The following CCDC85A variants were observed in gnomAD, a reference collection of about 807,000 sequenced individuals.
The protein encoded by CCDC85A is coiled-coil domain containing 85A.
Under a neutral mutation model 50.2 loss-of-function variants are expected in CCDC85A, and 38 were observed. The observed-to-expected ratio is 0.76, with a 90% confidence interval of 0.58 to 0.99. The LOEUF (loss-of-function observed/expected upper bound fraction) is 0.99, where lower values mean the gene tolerates loss of function less well. CCDC85A is among the 50% of genes least tolerant of loss of function. The pLI, the probability that CCDC85A is intolerant of heterozygous loss-of-function variation, is 0.00. For missense variants in CCDC85A, 820 were observed against 742.0 expected, an observed-to-expected ratio of 1.11 and a Z score of -1.22; for synonymous variants, 366 against 301.4, an observed-to-expected ratio of 1.21 and a Z score of -2.22.
chr2:56,254,305 G>T (rs1263814721), intron 2 of CCDC85A, among the ~76,000 whole-genome samples: 4 of 152,146 alleles, frequency 2.6e-5, no homozygotes, highest in Non-Finnish European at 4.4e-5. Flanking sequence ...GTGATGCTGT[G>T]TCGGTGTTAT....
intron 2 of CCDC85A, among the ~76,000 whole-genome samples, chr2:56,231,148 C>A (rs1251035267): frequency 6.6e-6 from 1 of 152,142 alleles, no homozygotes; most frequent in African/African-American, 2.4e-5. Context: ...ATATGATATT[C>A]GGCTGCTCAT....
intron 2 of CCDC85A, among the ~76,000 whole-genome samples, chr2:56,263,297 C>A (rs1670297117): frequency 6.6e-6 from 1 of 152,210 alleles, no homozygotes; most frequent in Non-Finnish European, 1.5e-5. Context: ...AGATAGTGTT[C>A]ATAAGTAATA....
chr2:56,373,741 G>T (rs1459859953), intron 4 of CCDC85A, among the ~76,000 whole-genome samples: 1 of 152,186 alleles, frequency 6.6e-6, no homozygotes, highest in African/African-American at 2.4e-5. Context: ...GCACTGCAAT[G>T]GTGGGTCCTA....
chr2:56,228,954 C>T (rs762835445), intron 2 of CCDC85A, among the ~76,000 whole-genome samples: 2 of 152,104 alleles, frequency 1.3e-5, no homozygotes, highest in African/African-American at 2.4e-5. Context: ...AATAACAAGC[C>T]TTCTCATTAA....
intron 2 of CCDC85A, among the ~76,000 whole-genome samples, chr2:56,236,215 G>A (rs1669009241): frequency 6.6e-6 from 1 of 152,180 alleles, no homozygotes; most frequent in Non-Finnish European, 1.5e-5. Context: ...GCAGTACCTG[G>A]TACCTAGTGA....
intron 3 of CCDC85A, among the ~76,000 whole-genome samples, chr2:56,346,072 T>A (rs1385761966): frequency 6.6e-6 from 1 of 152,188 alleles, no homozygotes; most frequent in African/African-American, 2.4e-5. Flanking sequence ...GTAGCCAGAA[T>A]TTTTGCTTTT....
intron 2 of CCDC85A, among the ~76,000 whole-genome samples, chr2:56,257,203 G>A (rs987256772): frequency 2.0e-5 from 3 of 152,130 alleles, no homozygotes; most frequent in African/African-American, 4.8e-5. Context: ...CCTGACATAA[G>A]GTATCTTCGA....
chr2:56,214,538 G>A (rs983826455), intron 2 of CCDC85A, among the ~76,000 whole-genome samples: 19 of 151,884 alleles, frequency 1.3e-4, no homozygotes, highest in Non-Finnish European at 1.5e-5. Flanking sequence ...GTTAATTTTT[G>A]TAAAAGATAT....
chr2:56,184,848 G>A lies in CCDC85A; in HGVS notation c.224G>A (p.Arg75His), dbSNP rs369855583. The A allele has an allele frequency of 2.5e-4, 390 of 1,539,526 alleles. No homozygotes were observed. Among genetic ancestry groups the A allele is most frequent in the Non-Finnish European group, 3.3e-4 (373 of 1,144,458 alleles). The change falls in exon 1 of 6, where the codon CGC becomes CAC. Residue 75 changes from arginine to histidine, a missense_variant. Transcript: ENST00000407595. ...SAMLDHSNLIREVNRRLQLHL... is the reference protein window; with the variant it reads ...SAMLDHSNLIHEVNRRLQLHL... The stretch of plus-strand genomic sequence containing the variant: ...ATGCTGGACCACAGCAACCTCATCC[G>A]CGAGGTGAACCGCCGCCTGCAGCTG...
chr2:56,356,792 G>A (rs1435086120), intron 3 of CCDC85A, among the ~76,000 whole-genome samples: 6 of 150,902 alleles, frequency 4.0e-5, no homozygotes, highest in East Asian at 2.0e-4. Flanking sequence ...GCCCTAGGCC[G>A]GGCACGATGG....
intron 2 of CCDC85A, among the ~76,000 whole-genome samples, chr2:56,297,393 CTT>C (rs72027842): frequency 0.021 from 2,860 of 136,224 alleles, 104 homozygotes; most frequent in African/African-American, 0.071. Context: ...TTGTACGAGC[CTT>C]TTTTTTTTTT....
intron 3 of CCDC85A, among the ~76,000 whole-genome samples, chr2:56,371,325 C>T (rs1179231865): frequency 4.6e-5 from 7 of 151,840 alleles, no homozygotes; most frequent in African/African-American, 1.5e-4. Flanking sequence ...TTTTTTCAAC[C>T]TCCAAAAGTT....
chr2:56,374,353 A>C (rs535469217), intron 4 of CCDC85A, among the ~76,000 whole-genome samples: 1 of 152,348 alleles, frequency 6.6e-6, no homozygotes, highest in East Asian at 1.9e-4. Context: ...TGACAGCAAG[A>C]AAGAAAGGGA....
At position 56,192,928 on chromosome 2, in the gene CCDC85A, A is replaced by G. The variant is rs1280391630; in HGVS notation, c.728A>G (p.Glu243Gly). The G allele has an allele frequency of 1.2e-6, 2 of 1,611,844 alleles. No individual in the cohort carries two copies. The highest frequency in any genetic ancestry group is 1.3e-5 in the African/African-American group (1 of 74,388). ...SPEHLQKPRS[E>G]GSPEHSKHRS... ...GAGCACCTGCAGAAGCCCCGGAGCG[A>G]GGGCAGCCCGGAGCACTCCAAGCAC... The change falls in exon 2 of 6, where the codon GAG (glutamate) becomes GGG (glycine). Residue 243 changes from glutamate to glycine, a missense_variant. Glu to Gly is a moderately conservative substitution (Grantham distance 98, BLOSUM62 -2). Transcript: ENST00000407595. This position sits in a 1 kb window ranked among gnomAD's most constrained non-coding sequence, Gnocchi z 4.7.
chr2:56,194,383 C>G (rs966841730), intron 2 of CCDC85A, among the ~76,000 whole-genome samples: 3 of 152,180 alleles, frequency 2.0e-5, no homozygotes, highest in Admixed American at 1.3e-4. Context: ...AAAAACTCCA[C>G]AATCCTTTTA....
chr2:56,350,153 C>CT (rs1185769694), intron 3 of CCDC85A, among the ~76,000 whole-genome samples: 13 of 141,020 alleles, frequency 9.2e-5, no homozygotes, highest in East Asian at 2.1e-4. Context: ...TTTTCTTTTC[C>CT]TTTTTTTTTT....
At chr2:56,222,934 C>T (rs1385889637) in intron 2 of CCDC85A, among the ~76,000 whole-genome samples, 1 of 152,130 alleles carries the variant, frequency 6.6e-6, no homozygotes, top group African/African-American at 2.4e-5. Flanking sequence ...TGAATTGCTT[C>T]AGATACATTC....
intron 3 of CCDC85A, among the ~76,000 whole-genome samples, chr2:56,348,799 C>G (rs1402332155): frequency 6.6e-6 from 1 of 152,180 alleles, no homozygotes; most frequent in African/African-American, 2.4e-5. Context: ...CATTATTCCC[C>G]TTATGTGCGT....
intron 5 of CCDC85A, chr2:56,379,828 A>G (rs932540835): frequency 2.3e-5 from 23 of 981,462 alleles, no homozygotes; most frequent in Non-Finnish European, 2.7e-5. Context: ...AGAAAAAGCT[A>G]TAGTCAGAGA....
Sources: allele counts gnomAD v4.1 joint callset (sites outside exome capture counted in the v4.1 genomes callset), GRCh38; gene constraint gnomAD v4.1.1; non-coding constraint Gnocchi (gnomAD v3.1); transcripts MANE v1.5; gene names NCBI Gene and HGNC (gene_info 2026-07-23, HGNC 2026-07-21).